The following CAPZB variants were observed in gnomAD, a reference collection of about 807,000 sequenced individuals.
The protein encoded by CAPZB is F-actin-capping protein subunit beta.
Under a neutral mutation model 38.1 loss-of-function variants are expected in CAPZB, and 2 were observed. The ratio of observed to expected loss-of-function variants is 0.05; its 90% confidence interval spans 0.02 to 0.17. The LOEUF (loss-of-function observed/expected upper bound fraction) is 0.17, where lower values mean the gene tolerates loss of function less well. Ranked by LOEUF, CAPZB falls within the 10% of genes least tolerant of loss-of-function variation. The pLI is 1.00. For missense variants in CAPZB, 161 were observed against 334.2 expected (o/e 0.48, Z 4.04); for synonymous variants, 107 against 127.4 (o/e 0.84, Z 1.08).
At position 19,363,443 on chromosome 1, in the gene CAPZB, T is replaced by G. The variant is rs534240135; in HGVS notation, c.330-5880A>C. On this transcript the variant is annotated intron_variant, in intron 4 of 8. Coordinates refer to ENST00000264202, the MANE Select transcript of CAPZB (RefSeq NM_004930.5). ...GTCAGTAATTCTCTTCTTCTCAGAG[T>G]TTTAGGTCGTTTCTCCCTGAAAATC... 3.3e-5 allele frequency among the ~76,000 whole-genome samples: 5 copies of G among 151,846 alleles called. No homozygotes were observed. The East Asian group carries it at 9.7e-4, about 29-fold the overall frequency.
chr1:19,391,467 CAGAGG>C (rs140616536), intron 2 of CAPZB, among the ~76,000 whole-genome samples: 28,365 of 152,108 alleles, frequency 0.19, 3,209 homozygotes, highest in Non-Finnish European at 0.24. Flanking sequence ...TGGGTGCACT[CAGAGG>C]AAACTGCCAC....
At chr1:19,348,120 A>AT (rs1266947016) in intron 6 of CAPZB, among the ~76,000 whole-genome samples, 1 of 152,166 alleles carries the variant, frequency 6.6e-6, no homozygotes, top group Non-Finnish European at 1.5e-5. Context: ...TTGTGCCCAG[A>AT]TAAGGGGCAG....
chr1:19,459,793 G>A (rs532660045), intron 1 of CAPZB, among the ~76,000 whole-genome samples: 13 of 152,246 alleles, frequency 8.5e-5, no homozygotes, highest in East Asian at 1.9e-4. Flanking sequence ...AATTTCCCAC[G>A]GCTCTGAGTA....
At chr1:19,446,555 G>T (rs1476896881) in intron 1 of CAPZB, among the ~76,000 whole-genome samples, 1 of 151,960 alleles carries the variant, frequency 6.6e-6, no homozygotes, top group Non-Finnish European at 1.5e-5. Flanking sequence ...AACCTCCTAG[G>T]AATCTACCCT....
intron 3 of CAPZB, among the ~76,000 whole-genome samples, chr1:19,381,183 A>AC (rs1441598893): frequency 2.6e-5 from 4 of 152,168 alleles, no homozygotes; most frequent in African/African-American, 7.2e-5. Flanking sequence ...AAACAAACAA[A>AC]AAAAAATGAA....
intron 2 of CAPZB, among the ~76,000 whole-genome samples, chr1:19,388,879 A>G (rs2094217454): frequency 6.6e-6 from 1 of 152,204 alleles, no homozygotes; most frequent in Non-Finnish European, 1.5e-5. Flanking sequence ...CCAACCCCAG[A>G]AAAACATACA....
chr1:19,398,873 C>A (rs576904852), intron 2 of CAPZB, among the ~76,000 whole-genome samples: 5 of 119,262 alleles, frequency 4.2e-5, no homozygotes, highest in African/African-American at 1.6e-4. Context: ...GATAGCTGCA[C>A]AACTCTTTTT....
chr1:19,440,977 G>A (rs977222808), intron 1 of CAPZB, among the ~76,000 whole-genome samples: 2 of 152,186 alleles, frequency 1.3e-5, no homozygotes, highest in South Asian at 2.1e-4. Context: ...GGAGAATGGC[G>A]TGAACCCGGG....
At chr1:19,409,832 C>T (rs1168596919) in intron 2 of CAPZB, among the ~76,000 whole-genome samples, 2 of 152,212 alleles carry the variant, frequency 1.3e-5, no homozygotes, top group African/African-American at 2.4e-5. Context: ...GCTATCATTT[C>T]GGCACTGGCT....
At chr1:19,345,423 T>A (rs2093954986) in intron 6 of CAPZB, among the ~76,000 whole-genome samples, 171 bp from the exon 7 acceptor site, 1 of 152,206 alleles carries the variant, frequency 6.6e-6, no homozygotes, top group African/African-American at 2.4e-5. Context: ...ACAAACCGAC[T>A]TCAGTTTCAG....
At chr1:19,429,201 A>G (rs558179707) in intron 1 of CAPZB, among the ~76,000 whole-genome samples, 27 of 152,204 alleles carry the variant, frequency 1.8e-4, no homozygotes, top group Admixed American at 1.6e-3. Flanking sequence ...GCTGTCAGCT[A>G]CACTTCCTCA....
At chr1:19,347,157 A>T (rs2093966618) in intron 6 of CAPZB, among the ~76,000 whole-genome samples, 1 of 152,054 alleles carries the variant, frequency 6.6e-6, no homozygotes, top group Admixed American at 6.6e-5. Flanking sequence ...ACTTTTGTCA[A>T]AAAAGGAAGA....
chr1:19,386,549 A>T (rs2094205220), intron 2 of CAPZB, among the ~76,000 whole-genome samples: 1 of 152,186 alleles, frequency 6.6e-6, no homozygotes, highest in Admixed American at 6.5e-5. Context: ...CAGTGGAAAA[A>T]TTCCATCGTA....
At chr1:19,393,029 A>C (rs999740187) in intron 2 of CAPZB, among the ~76,000 whole-genome samples, 2 of 152,008 alleles carry the variant, frequency 1.3e-5, no homozygotes, top group African/African-American at 4.8e-5. Flanking sequence ...TCCCCACCCC[A>C]CCACCACTAC....
At position 19,339,155 on chromosome 1, in the gene CAPZB, ATTTT is replaced by A. The variant is rs1486577019; in HGVS notation, c.*371_*374del. 4.9e-5 allele frequency: 11 copies of A among 224,874 alleles called. No homozygotes were observed. The South Asian group carries it at 8.0e-4, about 16-fold the overall frequency. 13.9% of individuals were successfully genotyped at this position (224,874 alleles called of 1,614,324 possible). On this transcript the variant is annotated 3_prime_UTR_variant, in exon 9 of 9. Transcript: ENST00000264202. ...TCACACACCACAGTTAGTTCATAAA[ATTTT>A]TTTGTTTTACATTTTTTACACCAAT...
intron 1 of CAPZB, among the ~76,000 whole-genome samples, chr1:19,437,028 A>C (rs887801385): frequency 6.6e-6 from 1 of 152,236 alleles, no homozygotes; most frequent in Non-Finnish European, 1.5e-5. Context: ...AAGCTGAGCA[A>C]GTTTCAGCAC....
chr1:19,422,921 T>C (rs756554582), intron 1 of CAPZB, among the ~76,000 whole-genome samples: 4 of 152,158 alleles, frequency 2.6e-5, no homozygotes, highest in Non-Finnish European at 5.9e-5. Flanking sequence ...ACTAGAAAAC[T>C]GAGCAGTGTT....
In CAPZB at chr1:19,410,878, A is replaced by G. The variant is rs545745788; in HGVS notation, c.93+8783T>C. Among the ~76,000 whole-genome samples the G allele has an allele frequency of 3.9e-5, 6 of 152,254 alleles. No individual in the cohort carries two copies. In the South Asian group the frequency reaches 1.2e-3, roughly 32 times the overall value. ...CTTGACACCTCTTCCCCGCAACCCCACAGCACGCATCACCTATCAGGTCAG... is the reference window on the plus strand; with the variant it reads ...CTTGACACCTCTTCCCCGCAACCCCGCAGCACGCATCACCTATCAGGTCAG... On this transcript the variant is annotated intron_variant, in intron 2 of 8. Coordinates refer to ENST00000264202, the MANE Select transcript of CAPZB (RefSeq NM_004930.5).
chr1:19,342,119 C>T (rs953570605), intron 8 of CAPZB, among the ~76,000 whole-genome samples: 1 of 152,240 alleles, frequency 6.6e-6, no homozygotes, highest in South Asian at 2.1e-4. Flanking sequence ...TTTAAAGGAA[C>T]AGCTGCAGCT....
Sources: allele counts gnomAD v4.1 joint callset (sites outside exome capture counted in the v4.1 genomes callset), GRCh38; gene constraint gnomAD v4.1.1; transcripts MANE v1.5; gene names NCBI Gene and HGNC (gene_info 2026-07-23, HGNC 2026-07-21).